Variants in LIN28B observed in about 807,000 individuals in gnomAD.
The protein encoded by LIN28B is lin-28 RNA binding posttranscriptional regulator B.
A neutral mutation model predicts 21.9 loss-of-function variants in LIN28B; 5 were observed. The observed-to-expected ratio is 0.23, with a 90% CI of 0.12 to 0.48. The LOEUF (loss-of-function observed/expected upper bound fraction) is 0.48. LIN28B is among the 20% of genes least tolerant of loss of function. The pLI, the probability that LIN28B is intolerant of heterozygous loss-of-function variation, is 0.98. For synonymous variants in LIN28B, 109 were observed against 111.3 expected (o/e 0.98, Z 0.13); for missense variants, 245 against 310.5 (o/e 0.79, Z 1.58).
At chr6:104,964,403 A>G (rs1769814364) in intron 2 of LIN28B, among the ~76,000 whole-genome samples, 1 of 152,200 alleles carries the variant, frequency 6.6e-6, no homozygotes, top group South Asian at 2.1e-4. Context: ...ATTAAACTGG[A>G]AAGTTATCTT....
At chr6:105,055,575 A>G (rs182472857) in intron 3 of LIN28B, among the ~76,000 whole-genome samples, 3 of 152,264 alleles carry the variant, frequency 2.0e-5, no homozygotes, top group Admixed American at 2.0e-4. Flanking sequence ...CTTCATATTT[A>G]TTATATTCAT....
At chr6:105,020,154 C>T (rs1408754049) in intron 2 of LIN28B, among the ~76,000 whole-genome samples, 2 of 133,228 alleles carry the variant, frequency 1.5e-5, no homozygotes, top group African/African-American at 2.9e-5. Flanking sequence ...TGCTCTGTTG[C>T]CCAGGTTGGA....
At chr6:105,052,608 A>G (rs1179773400) in intron 3 of LIN28B, among the ~76,000 whole-genome samples, 1 of 152,106 alleles carries the variant, frequency 6.6e-6, no homozygotes, top group African/African-American at 2.4e-5. Context: ...ATTGAAGATC[A>G]ATTTTCTTAT....
intron 3 of LIN28B, among the ~76,000 whole-genome samples, chr6:105,071,377 A>G (rs436460): frequency 0.78 from 118,298 of 151,854 alleles, 46,900 homozygotes; most frequent in Non-Finnish European, 0.86. Flanking sequence ...TTATTCTACT[A>G]TCTGCAAAAT....
chr6:105,004,624 A>G (rs1770780657), intron 2 of LIN28B, among the ~76,000 whole-genome samples: 1 of 152,238 alleles, frequency 6.6e-6, no homozygotes, highest in Non-Finnish European at 1.5e-5. Flanking sequence ...TTGTAGCTAC[A>G]TAAATATTGT....
chr6:105,006,372 C>T (rs955221448), intron 2 of LIN28B, among the ~76,000 whole-genome samples: 1 of 152,054 alleles, frequency 6.6e-6, no homozygotes, highest in African/African-American at 2.4e-5. Context: ...AGTATTGTGG[C>T]ACAATCTCAG....
At chr6:105,030,151 C>T (rs1771389534) in intron 3 of LIN28B, among the ~76,000 whole-genome samples, 1 of 152,088 alleles carries the variant, frequency 6.6e-6, no homozygotes, top group African/African-American at 2.4e-5. Flanking sequence ...TCCAGTTTTC[C>T]ATGTGCTGCT....
intron 3 of LIN28B, among the ~76,000 whole-genome samples, chr6:105,053,387 G>GTGTA (rs1217118163): frequency 7.8e-6 from 1 of 128,644 alleles, no homozygotes; most frequent in Non-Finnish European, 1.7e-5. Flanking sequence ...CTTATGGTGT[G>GTGTA]TGTGTGTGTG....
At position 105,078,528 on chromosome 6, in the gene LIN28B, T is replaced by G; in HGVS notation, c.498T>G (p.His166Gln). 6.2e-7 allele frequency: 1 copy of G among 1,614,104 alleles called. No individual in the cohort carries two copies. Among genetic ancestry groups the G allele is most frequent in the South Asian group, 1.1e-5 (1 of 91,078 alleles). ...SIMHMVANCP[H>Q]KNVAQPPASS... Reference sequence around the variant, plus strand: ...TGCACATGGTGGCAAACTGCCCACATAAAAATGTTGCACAGCCACCCGCGA... The same window carrying G: ...TGCACATGGTGGCAAACTGCCCACAGAAAAATGTTGCACAGCCACCCGCGA... Residue 166 changes from histidine (H) to glutamine (Q), a missense_variant, in exon 4 of 4, where the codon CAT becomes CAG. Transcript: ENST00000345080.
intron 2 of LIN28B, among the ~76,000 whole-genome samples, chr6:104,976,808 A>T (rs1168124005): frequency 6.6e-6 from 1 of 152,170 alleles, no homozygotes; most frequent in Non-Finnish European, 1.5e-5. Flanking sequence ...GAAGGGCAAA[A>T]GGGAAGGAGG....
chr6:104,937,693 C>T (rs995115085), intron 2 of LIN28B, among the ~76,000 whole-genome samples: 5 of 152,150 alleles, frequency 3.3e-5, no homozygotes, highest in Admixed American at 6.5e-5. Context: ...CTTTCATACA[C>T]TCCACTCATA....
intron 2 of LIN28B, among the ~76,000 whole-genome samples, chr6:104,975,638 G>A (rs59731806): frequency 0.021 from 3,255 of 151,964 alleles, 134 homozygotes; most frequent in African/African-American, 0.075. Context: ...CATGTGCCAA[G>A]TACTGTGCTT....
At chr6:105,074,389 A>G (rs543832228) in intron 3 of LIN28B, among the ~76,000 whole-genome samples, 162 of 152,170 alleles carry the variant, frequency 1.1e-3, no homozygotes, top group African/African-American at 3.8e-3. Context: ...TAGCAGAGAC[A>G]GGGTTTCACC....
intron 2 of LIN28B, among the ~76,000 whole-genome samples, chr6:105,015,279 G>A (rs1325087973): frequency 2.0e-5 from 3 of 152,070 alleles, no homozygotes; most frequent in Non-Finnish European, 1.5e-5. Flanking sequence ...ATTATGAAAT[G>A]TCCTTCTTTA....
Position 104,948,490 on chromosome 6 carries a change from A to G in LIN28B, c.19-1971A>G, listed in dbSNP as rs928441939. On this transcript the variant is annotated intron_variant, in intron 2 of 5. Transcript: ENST00000635857. The stretch of plus-strand genomic sequence containing the variant: ...CTAAAAAAAGAAAAAAAATTATTAC[A>G]TATAAATACTCATGTATAAAATGTC... Among the ~76,000 whole-genome samples the G allele has an allele frequency of 7.9e-5, 12 of 152,304 alleles. No individual in the cohort carries two copies. In the South Asian group the frequency reaches 1.9e-3, roughly 24 times the overall value.
chr6:105,051,989 T>C (rs1203212557), intron 3 of LIN28B, among the ~76,000 whole-genome samples: 1 of 152,192 alleles, frequency 6.6e-6, no homozygotes, highest in Non-Finnish European at 1.5e-5. Context: ...TTGGACTGTT[T>C]TAGATTAAGT....
At chr6:105,042,845 C>G (rs1771663782) in intron 3 of LIN28B, among the ~76,000 whole-genome samples, 1 of 151,996 alleles carries the variant, frequency 6.6e-6, no homozygotes, top group Non-Finnish European at 1.5e-5. Flanking sequence ...GTTTTTCTTC[C>G]TTTAACATGA....
intron 2 of LIN28B, among the ~76,000 whole-genome samples, chr6:104,989,594 TTTTTTTTG>T: frequency 6.9e-6 from 1 of 145,610 alleles, no homozygotes; most frequent in Admixed American, 6.9e-5. Context: ...TTTTTTTTTT[TTTTTTTTG>T]CATTTTTTTG....
At chr6:104,981,284 T>G (rs1253428264) in intron 2 of LIN28B, among the ~76,000 whole-genome samples, 1 of 152,214 alleles carries the variant, frequency 6.6e-6, no homozygotes, top group East Asian at 1.9e-4. Context: ...TGTAGGGAAT[T>G]GATAATCCAT....
Sources: allele counts gnomAD v4.1 joint callset (sites outside exome capture counted in the v4.1 genomes callset), GRCh38; gene constraint gnomAD v4.1.1; transcripts MANE v1.5; gene names NCBI Gene and HGNC (gene_info 2026-07-23, HGNC 2026-07-21).